The following FBN1 variants were observed in gnomAD, a reference collection of about 807,000 sequenced individuals.
FBN1 encodes the protein fibrillin-1.
FBN1 carries 29 observed loss-of-function variants against 365.1 expected under a neutral mutation model. The observed-to-expected ratio is 0.08, with a 90% CI of 0.06 to 0.11. FBN1 has a LOEUF of 0.11. Among genes scored for constraint, FBN1 ranks in the 10% least tolerant of loss-of-function variants. The probability of loss-of-function intolerance (pLI) is 1.00; values close to 1 mark genes in which losing one functional copy is unlikely to be tolerated. For synonymous variants in FBN1, 1,210 were observed against 1,270.5 expected (o/e 0.95, Z 1.01); for missense variants, 2,476 against 3,703.2 (o/e 0.67, Z 8.60).
intron 42 of FBN1, among the ~76,000 whole-genome samples, chr15:48,461,570 T>C (rs570242648): frequency 2.1e-5 from 3 of 146,186 alleles, no homozygotes; most frequent in Non-Finnish European, 4.4e-5. Context: ...TACATAGATA[T>C]ATATACATAG....
chr15:48,619,102 T>C, intron 2 of FBN1, among the ~76,000 whole-genome samples: 1 of 152,112 alleles, frequency 6.6e-6, no homozygotes. Context: ...CCTTGGTCCG[T>C]GGAAAAGTTA....
chr15:48,606,849 C>A (rs1478114618), intron 4 of FBN1, among the ~76,000 whole-genome samples: 1 of 152,142 alleles, frequency 6.6e-6, no homozygotes, highest in South Asian at 2.1e-4. Flanking sequence ...AGAGGTGGAA[C>A]CTTTAAGACG....
intron 42 of FBN1, among the ~76,000 whole-genome samples, chr15:48,461,973 G>A (rs1261634236): frequency 6.6e-6 from 1 of 152,116 alleles, no homozygotes; most frequent in Non-Finnish European, 1.5e-5. Flanking sequence ...TGGCCCATGG[G>A]GTGTATTTTG....
At chr15:48,626,945 T>C (rs1158124172) in intron 2 of FBN1, among the ~76,000 whole-genome samples, 5 of 152,168 alleles carry the variant, frequency 3.3e-5, no homozygotes, top group African/African-American at 1.2e-4. Context: ...GAAAATGTAT[T>C]GGTGTGCTCA....
At chr15:48,466,224 T>G (rs1331351686) in intron 38 of FBN1, among the ~76,000 whole-genome samples, 1 of 152,238 alleles carries the variant, frequency 6.6e-6, no homozygotes, top group Admixed American at 6.5e-5. Flanking sequence ...TTCAGCCTAC[T>G]TTCTGGGAAC....
chr15:48,435,584 A>G (rs1397207223), intron 53 of FBN1, among the ~76,000 whole-genome samples: 1 of 152,084 alleles, frequency 6.6e-6, no homozygotes, highest in Admixed American at 6.6e-5. Context: ...TAGGAAGAGG[A>G]AAGGCTAGAA....
intron 4 of FBN1, among the ~76,000 whole-genome samples, chr15:48,608,307 A>G (rs1269309874): frequency 1.3e-5 from 2 of 152,182 alleles, no homozygotes; most frequent in Non-Finnish European, 2.9e-5. Context: ...AATTTTTCAG[A>G]GGAAAAATTC....
rs377338217 is a variant in FBN1, at chr15:48,472,581, C to A, written c.4306G>T (p.Val1436Leu). 1.2e-6 allele frequency: 2 copies of A among 1,614,120 alleles called. No homozygotes were observed. The highest frequency in any genetic ancestry group is 1.7e-6 in the Non-Finnish European group (2 of 1,180,018). ...GYRCECDMGFVPSADGKACED... is the reference protein window; with the variant it reads ...GYRCECDMGFLPSADGKACED... ...CAGGCTTTCCCGTCAGCACTGGGCA[C>A]GAAGCCCATGTCGCATTCACAGCGG... Residue 1436 changes from valine (V) to leucine (L), a missense_variant, in exon 35 of 66, where the codon GTG (valine) becomes TTG (leucine). Physicochemically the swap from Val to Leu is conservative, Grantham distance 32 (BLOSUM62 1). Transcript: ENST00000316623.
chr15:48,456,255 CTCTG>C (rs1250506115), intron 44 of FBN1, among the ~76,000 whole-genome samples: 2 of 152,208 alleles, frequency 1.3e-5, no homozygotes, highest in Non-Finnish European at 2.9e-5. Context: ...GTAGCAAAGT[CTCTG>C]TCTGGAAGAG....
At chr15:48,575,515 T>C (rs900151765) in intron 6 of FBN1, among the ~76,000 whole-genome samples, 6 of 152,160 alleles carry the variant, frequency 3.9e-5, no homozygotes, top group African/African-American at 1.4e-4. Flanking sequence ...TCACCTTTGG[T>C]AGTCTCCAAT....
chr15:48,560,910 T>C (rs1015639782), intron 6 of FBN1, among the ~76,000 whole-genome samples: 1 of 152,140 alleles, frequency 6.6e-6, no homozygotes, highest in Non-Finnish European at 1.5e-5. Context: ...CTCTGGGTCA[T>C]AATTTCCTCA....
At chr15:48,453,742 A>C (rs941894590) in intron 44 of FBN1, among the ~76,000 whole-genome samples, 1 of 152,112 alleles carries the variant, frequency 6.6e-6, no homozygotes, top group African/African-American at 2.4e-5. Flanking sequence ...GAGGCTGTGC[A>C]TGTGTAGGGG....
intron 2 of FBN1, among the ~76,000 whole-genome samples, chr15:48,632,868 G>A (rs146958959): frequency 1.3e-5 from 2 of 152,270 alleles, no homozygotes; most frequent in East Asian, 3.9e-4. Context: ...TGTGACCCTG[G>A]GGAGCACAGA....
chr15:48,477,943 A>T (rs748051480), intron 32 of FBN1, among the ~76,000 whole-genome samples: 1 of 152,126 alleles, frequency 6.6e-6, no homozygotes, highest in Non-Finnish European at 1.5e-5. Context: ...GGCTCTGGGT[A>T]TGTCCCATGC....
intron 34 of FBN1, 108 bp from the exon 35 acceptor site, chr15:48,472,784 G>C: frequency 6.8e-7 from 1 of 1,470,252 alleles, no homozygotes; most frequent in Non-Finnish European, 9.5e-7. Context: ...ACTTCAATTT[G>C]ACACATTTAA....
intron 2 of FBN1, among the ~76,000 whole-genome samples, chr15:48,623,088 G>T (rs978296953): frequency 5.3e-5 from 8 of 151,976 alleles, no homozygotes; most frequent in Non-Finnish European, 1.2e-4. Context: ...TTGTTCTTCA[G>T]GCACAGAAAC....
intron 59 of FBN1, 102 bp downstream of exon 59, chr15:48,425,637 T>C (rs1597516228): frequency 1.3e-6 from 2 of 1,541,800 alleles, no homozygotes; most frequent in East Asian, 4.5e-5. Context: ...TGTGCTTTCC[T>C]ATGAAACTGC....
At chr15:48,556,223 A>G (rs2044179141) in intron 6 of FBN1, among the ~76,000 whole-genome samples, 1 of 152,178 alleles carries the variant, frequency 6.6e-6, no homozygotes, top group African/African-American at 2.4e-5. Context: ...TACCACTGGA[A>G]TCCTGGTAAA....
At chr15:48,542,034 A>C (rs1410172926) in intron 6 of FBN1, among the ~76,000 whole-genome samples, 1 of 152,096 alleles carries the variant, frequency 6.6e-6, no homozygotes, top group East Asian at 1.9e-4. Flanking sequence ...TCCCATTCTG[A>C]GTGGTTAGCT....
Sources: gnomAD v4.1 joint callset for allele counts (sites outside exome capture counted in the v4.1 genomes callset) on GRCh38, gnomAD v4.1.1 for gene constraint, MANE v1.5 for transcripts, NCBI Gene and HGNC (gene_info 2026-07-23, HGNC 2026-07-21) for gene names.